Variants in PRKDC observed in about 807,000 individuals in gnomAD.
PRKDC encodes DNA-dependent protein kinase catalytic subunit.
In PRKDC, 82 loss-of-function variants were observed where a neutral mutation model predicts 486.9. That is an observed-to-expected ratio of 0.17 (90% CI 0.14 to 0.20). PRKDC has a LOEUF of 0.20. Ranked by LOEUF, PRKDC falls within the 10% of genes least tolerant of loss-of-function variation. The pLI is 1.00. For synonymous variants in PRKDC, 1,895 were observed against 1,837.0 expected (o/e 1.03, Z -0.81); for missense variants, 4,504 against 5,038.2 (o/e 0.89, Z 3.21).
At chr8:47,776,446 G>A (rs1346979940) in intron 85 of PRKDC, among the ~76,000 whole-genome samples, 2 of 152,128 alleles carry the variant, frequency 1.3e-5, no homozygotes, top group East Asian at 3.8e-4. Context: ...CATCTAACAA[G>A]CCCACACAGT....
At chr8:47,801,799 G>A (rs1166844063) in intron 70 of PRKDC, among the ~76,000 whole-genome samples, 2 of 152,140 alleles carry the variant, frequency 1.3e-5, no homozygotes, top group East Asian at 1.9e-4. Context: ...CCAGAGGTGC[G>A]ATAACAGTGT....
intron 74 of PRKDC, among the ~76,000 whole-genome samples, chr8:47,791,317 A>T (rs933441432): frequency 6.6e-6 from 1 of 152,140 alleles, no homozygotes; most frequent in African/African-American, 2.4e-5. Context: ...CCTACTAAAA[A>T]TACAAAAATT....
chr8:47,863,075 T>C (rs1291257067), intron 42 of PRKDC, among the ~76,000 whole-genome samples: 3 of 152,168 alleles, frequency 2.0e-5, no homozygotes, highest in Admixed American at 1.3e-4. Flanking sequence ...TCAGAAAAAA[T>C]AAAATACTCT....
intron 85 of PRKDC, among the ~76,000 whole-genome samples, chr8:47,775,649 C>A (rs896508490): frequency 6.6e-6 from 1 of 151,832 alleles, no homozygotes; most frequent in African/African-American, 2.4e-5. Flanking sequence ...AATATTTTAT[C>A]CCATTTGGAA....
rs905837735 is a variant in PRKDC, at chr8:47,840,147, C to A, written c.7323G>T (p.Lys2441Asn). ...CTACTGGTTTTAACTTTGGCATCAT[C>A]TTATAAATTATGTCCAAACATACTT... ...RQKVCLDIIY[K>N]MMPKLKPVEL... Residue 2441 changes from lysine (K) to asparagine (N), a missense_variant, in exon 55 of 86, where the codon AAG becomes AAT. By Grantham distance (94) the Lys-to-Asn change is moderately conservative. Transcript: ENST00000314191. 6.2e-7 allele frequency: 1 copy of A among 1,601,018 alleles called. No individual in the cohort carries two copies. Among genetic ancestry groups the A allele is most frequent in the Non-Finnish European group, 8.5e-7 (1 of 1,172,566 alleles).
intron 49 of PRKDC, among the ~76,000 whole-genome samples, chr8:47,855,667 T>C (rs2088521149): frequency 6.6e-6 from 1 of 152,230 alleles, no homozygotes; most frequent in Non-Finnish European, 1.5e-5. Context: ...GGACTCTTTA[T>C]CTGAGGCCCT....
At chr8:47,783,047 G>A (rs1197262392) in intron 78 of PRKDC, 3 of 176,702 alleles carry the variant, frequency 1.7e-5, no homozygotes, top group Non-Finnish European at 2.4e-5. Context: ...GAAGGATGGG[G>A]CAGGTAGATC....
chr8:47,862,728 A>G (rs1265491844), intron 42 of PRKDC, among the ~76,000 whole-genome samples, 187 bp from the exon 43 acceptor site: 2 of 152,244 alleles, frequency 1.3e-5, no homozygotes, highest in Non-Finnish European at 2.9e-5. Flanking sequence ...CAAAGGCAGC[A>G]TATATACATG....
Position 47,881,457 on chromosome 8 carries a change from T to C in PRKDC, c.5026A>G (p.Ile1676Val), listed in dbSNP as rs751280765. The C allele has an allele frequency of 2.7e-5, 43 of 1,574,596 alleles. No homozygotes were observed. The Middle Eastern group carries it at 3.5e-3, about 128-fold the overall frequency. ...GSFPEVFTTY[I>V]SLLADTKLDL... ...AGCTTTGTGTCAGCAAGTAGACTAA[T>C]ATATGTTGTAAAGACTTCAGGGAAT... The change falls in exon 38 of 86, where the codon ATT (isoleucine) becomes GTT (valine). Residue 1676 changes from isoleucine to valine, a missense_variant. Ile to Val is a conservative substitution (Grantham distance 29, BLOSUM62 3). This residue lies in a region of PRKDC where 1,969 missense variants were observed against 2,068.9 expected (regional missense o/e 0.95). Transcript: ENST00000314191.
At chr8:47,791,234 T>C (rs2086877234) in intron 74 of PRKDC, among the ~76,000 whole-genome samples, 1 of 152,192 alleles carries the variant, frequency 6.6e-6, no homozygotes, top group Admixed American at 6.5e-5. Flanking sequence ...CCCAGCACTA[T>C]GGGAGGCCAA....
chr8:47,893,210 A>C lies in PRKDC; in HGVS notation c.3776T>G (p.Leu1259Arg). Residue 1259 changes from leucine (L) to arginine (R), a missense_variant, in exon 31 of 86, where the codon CTG (leucine) becomes CGG (arginine). Coordinates refer to ENST00000314191, the MANE Select transcript of PRKDC (RefSeq NM_006904.7). Reference sequence around the variant, plus strand: ...GTAGCACTCCAACGCGGCCAGGAGCAGGTCCAGCCAGCATAGCGTGGCCTG... The same window carrying C: ...GTAGCACTCCAACGCGGCCAGGAGCCGGTCCAGCCAGCATAGCGTGGCCTG... ...SLQATLCWLD[L>R]LLAALECYNT... The C allele has an allele frequency of 6.2e-7, 1 of 1,613,116 alleles. No individual in the cohort carries two copies.
chr8:47,788,900 C>G lies in PRKDC; in HGVS notation c.10902+6G>C. The G allele has an allele frequency of 1.3e-6, 2 of 1,588,802 alleles. No individual in the cohort carries two copies. Among genetic ancestry groups the G allele is most frequent in the Non-Finnish European group, 8.5e-7 (1 of 1,171,936 alleles). On this transcript the variant is annotated splice_donor_region_variant and intron_variant, in intron 76 of 85. Transcript: ENST00000314191. ...TATCAAAATAGCAGGCTGTGCCAGT[C>G]CATACCTGAATAAACTTCCTTCTAA...
At chr8:47,800,631 T>C (rs944274351) in intron 71 of PRKDC, among the ~76,000 whole-genome samples, 162 bp downstream of exon 71, 2 of 151,962 alleles carry the variant, frequency 1.3e-5, no homozygotes, top group African/African-American at 4.8e-5. Flanking sequence ...AATAAATAAA[T>C]AAAAACAAAT....
At chr8:47,935,560 T>G (rs992843216) in intron 13 of PRKDC, among the ~76,000 whole-genome samples, 172 bp downstream of exon 13, 2 of 151,948 alleles carry the variant, frequency 1.3e-5, no homozygotes, top group African/African-American at 2.4e-5. Flanking sequence ...CTATTAAAAT[T>G]CAGAGGTAAT....
At chr8:47,856,207 G>A (rs982984819) in intron 49 of PRKDC, among the ~76,000 whole-genome samples, 3 of 152,150 alleles carry the variant, frequency 2.0e-5, no homozygotes, top group East Asian at 1.9e-4. Flanking sequence ...AAAGCTCCAC[G>A]TATTTTTTTG....
chr8:47,925,780 A>G (rs2090147091), intron 21 of PRKDC, among the ~76,000 whole-genome samples: 1 of 152,242 alleles, frequency 6.6e-6, no homozygotes, highest in South Asian at 2.1e-4. Context: ...ATGCACAAAC[A>G]CACAATAGAG....
At chr8:47,933,764 CTG>C (rs973064248) in intron 15 of PRKDC, among the ~76,000 whole-genome samples, 199 bp downstream of exon 15, 1 of 152,202 alleles carries the variant, frequency 6.6e-6, no homozygotes, top group Non-Finnish European at 1.5e-5. Flanking sequence ...AGTTCTATGT[CTG>C]TGTTTCTTTC....
intron 39 of PRKDC, 149 bp downstream of exon 39, chr8:47,879,342 C>T (rs1405364645): frequency 5.8e-6 from 4 of 692,874 alleles, no homozygotes; most frequent in African/African-American, 1.8e-5. Flanking sequence ...ACTGTACAAG[C>T]TTTGTGTAGA....
In PRKDC at chr8:47,936,529, G is replaced by A. The variant is rs551947146; in HGVS notation, c.1114-12C>T. The A allele has an allele frequency of 1.7e-5, 27 of 1,613,292 alleles. No homozygotes were observed. The highest frequency in any genetic ancestry group is 2.3e-5 in the Non-Finnish European group (27 of 1,179,530). Reference sequence around the variant, plus strand: ...ATAACCTTGCACGGCTTTAGAAAAGGTAAAACAGAAGTCTTCATCAATCTT... The same window carrying A: ...ATAACCTTGCACGGCTTTAGAAAAGATAAAACAGAAGTCTTCATCAATCTT... On this transcript the variant is annotated splice_polypyrimidine_tract_variant and intron_variant, in intron 11 of 85. Coordinates refer to ENST00000314191, the MANE Select transcript of PRKDC (RefSeq NM_006904.7).
Sources: gnomAD v4.1 joint callset for allele counts (sites outside exome capture counted in the v4.1 genomes callset) on GRCh38, gnomAD v4.1.1 for gene constraint, gnomAD v4.1.1 regional missense constraint, MANE v1.5 for transcripts, NCBI Gene and HGNC (gene_info 2026-07-23, HGNC 2026-07-21) for gene names.